SH3PXD2A: variants seen among roughly 807,000 people sequenced by gnomAD.
SH3PXD2A encodes the protein SH3 and PX domain-containing protein 2A.
In SH3PXD2A, 32 loss-of-function variants were observed where a neutral mutation model predicts 115.2. The observed-to-expected ratio is 0.28, with a 90% CI of 0.21 to 0.37. The LOEUF is 0.37. Among genes scored for constraint, SH3PXD2A ranks in the 10% least tolerant of loss-of-function variants. SH3PXD2A has a pLI of 1.00. For missense variants in SH3PXD2A, 1,328 were observed against 1,498.7 expected, an observed-to-expected ratio of 0.89 and a Z score of 1.88; for synonymous variants, 610 against 629.1, an observed-to-expected ratio of 0.97 and a Z score of 0.45.
At chr10:103,750,491 T>C (rs2038563331) in intron 3 of SH3PXD2A, among the ~76,000 whole-genome samples, 1 of 152,188 alleles carries the variant, frequency 6.6e-6, no homozygotes, top group South Asian at 2.1e-4. Flanking sequence ...TGGTAACGAA[T>C]GAAGTTCCTA....
At chr10:103,718,407 AG>A (rs2038133276) in intron 5 of SH3PXD2A, among the ~76,000 whole-genome samples, 1 of 152,198 alleles carries the variant, frequency 6.6e-6, no homozygotes, top group African/African-American at 2.4e-5. Context: ...CAATTCACAC[AG>A]GAGAGACCAA....
chr10:103,638,172 C>T (rs1422543856), intron 8 of SH3PXD2A, among the ~76,000 whole-genome samples: 1 of 152,230 alleles, frequency 6.6e-6, no homozygotes, highest in Non-Finnish European at 1.5e-5. Flanking sequence ...CACCCTGCTC[C>T]GTTGCCCAGG....
At chr10:103,848,410 C>A (rs1842867888) in intron 1 of SH3PXD2A, among the ~76,000 whole-genome samples, 2 of 152,284 alleles carry the variant, frequency 1.3e-5, no homozygotes, top group South Asian at 4.1e-4. Context: ...GTCGCAAAAA[C>A]AGCGCTGGAG....
intron 2 of SH3PXD2A, among the ~76,000 whole-genome samples, chr10:103,797,869 T>A (rs987134656): frequency 1.3e-5 from 2 of 151,564 alleles, no homozygotes; most frequent in African/African-American, 4.9e-5. Context: ...GGCTGCAGAG[T>A]GTGAAGGGCA....
chr10:103,642,279 A>G (rs895156691), intron 8 of SH3PXD2A, among the ~76,000 whole-genome samples: 10 of 152,276 alleles, frequency 6.6e-5, no homozygotes, highest in Middle Eastern at 6.8e-3. Context: ...TATGTAGTAC[A>G]TTTGAACCGT....
intron 5 of SH3PXD2A, among the ~76,000 whole-genome samples, chr10:103,698,708 G>A (rs2037855842): frequency 6.6e-6 from 1 of 152,166 alleles, no homozygotes; most frequent in African/African-American, 2.4e-5. Flanking sequence ...GCCTGTGCAG[G>A]CAGGCAGAAG....
At chr10:103,751,015 G>A (rs2038572236) in intron 3 of SH3PXD2A, among the ~76,000 whole-genome samples, 1 of 152,182 alleles carries the variant, frequency 6.6e-6, no homozygotes, top group South Asian at 2.1e-4. Flanking sequence ...TTCTACCACT[G>A]AGCTGTCTCA....
intron 3 of SH3PXD2A, among the ~76,000 whole-genome samples, chr10:103,753,495 C>CAAAAA (rs58148179): frequency 6.3e-4 from 41 of 65,198 alleles, no homozygotes; most frequent in South Asian, 1.3e-3. Flanking sequence ...GACCCCATCT[C>CAAAAA]AAAAAAAAAA....
rs1379452880 is a variant in SH3PXD2A, at chr10:103,756,354, A to T, written c.229+10740T>A. 3.3e-5 allele frequency among the ~76,000 whole-genome samples: 5 copies of T among 152,140 alleles called. No homozygotes were observed. The highest frequency in any genetic ancestry group is 3.2e-3 in the Middle Eastern group (1 of 316). ...CAGTGTGCGGGATTAGGCCAGGGAC[A>T]CTGTGGGAGTTTATCTCTTCCAGTG... On this transcript the variant is annotated intron_variant, in intron 3 of 14. Transcript: ENST00000369774. This position sits in a 1 kb window ranked among gnomAD's most constrained non-coding sequence, Gnocchi z 4.4.
intron 8 of SH3PXD2A, among the ~76,000 whole-genome samples, chr10:103,643,927 G>T (rs1413786377): frequency 1.3e-5 from 2 of 151,446 alleles, no homozygotes; most frequent in African/African-American, 4.8e-5. Context: ...CTGGCTAACA[G>T]GGTGAAACCC....
At chr10:103,845,203 C>T (rs1180098071) in intron 1 of SH3PXD2A, among the ~76,000 whole-genome samples, 5 of 151,320 alleles carry the variant, frequency 3.3e-5, no homozygotes, top group South Asian at 2.1e-4. Flanking sequence ...TGGTGGTGTG[C>T]GCCTGTAATA....
At chr10:103,754,897 G>C (rs150079170) in intron 3 of SH3PXD2A, 2 of 152,308 alleles carry the variant, frequency 1.3e-5, no homozygotes, top group African/African-American at 4.8e-5. Context: ...ACGTAACCAA[G>C]CACCAAGAGA....
intron 5 of SH3PXD2A, among the ~76,000 whole-genome samples, chr10:103,702,596 C>CGTGTGTGTGTGTGT (rs6144056): frequency 0.15 from 22,317 of 147,340 alleles, 1,811 homozygotes; most frequent in Middle Eastern, 0.26. Flanking sequence ...TGTGTGTGTG[C>CGTGTGTGTGTGTGT]GTGTGTGTGT....
intron 1 of SH3PXD2A, among the ~76,000 whole-genome samples, chr10:103,831,807 A>T (rs1295508174): frequency 6.6e-6 from 1 of 152,174 alleles, no homozygotes; most frequent in Non-Finnish European, 1.5e-5. Context: ...GTTAGTAGTT[A>T]TTCTCCATTC....
chr10:103,766,592 C>T (rs2038756904), intron 3 of SH3PXD2A, among the ~76,000 whole-genome samples: 1 of 152,164 alleles, frequency 6.6e-6, no homozygotes, highest in Admixed American at 6.5e-5. Context: ...TTATGATACA[C>T]CTGAGAAGTT....
At chr10:103,797,817 G>A (rs1009478049) in intron 2 of SH3PXD2A, among the ~76,000 whole-genome samples, 15 of 152,080 alleles carry the variant, frequency 9.9e-5, no homozygotes, top group African/African-American at 3.6e-4. Flanking sequence ...TGGGGTTTCT[G>A]TTCAGATGAC....
chr10:103,724,306 A>C lies in SH3PXD2A; in HGVS notation c.362T>G (p.Phe121Cys). ...GTTGACATCCTCGGGTCGAGCCTCG[A>C]AGAACCGGAAGACTTCGTCACACTG... ...ISQCDEVFRF[F>C]EARPEDVNPP... The change falls in exon 5 of 15, where the codon TTC becomes TGC. Residue 121 changes from phenylalanine (F) to cysteine (C), a missense_variant. Physicochemically the swap from Phe to Cys is radical, Grantham distance 205 (BLOSUM62 -2). Around this residue, in one of 5 missense-constraint regions of SH3PXD2A, gnomAD observed 110 missense variants for 160.0 expected, o/e 0.69. Coordinates refer to ENST00000369774, the MANE Select transcript of SH3PXD2A (RefSeq NM_001394015.1). 6.3e-7 allele frequency: 1 copy of C among 1,582,964 alleles called. No homozygotes were observed. The highest frequency in any genetic ancestry group is 8.6e-7 in the Non-Finnish European group (1 of 1,167,196).
chr10:103,804,964 G>A (rs930406579), intron 1 of SH3PXD2A, among the ~76,000 whole-genome samples: 1 of 152,112 alleles, frequency 6.6e-6, no homozygotes, highest in East Asian at 1.9e-4. Flanking sequence ...GCCCACACCA[G>A]GTGCTGTTTC....
At chr10:103,720,795 G>A (rs551242313) in intron 5 of SH3PXD2A, among the ~76,000 whole-genome samples, 2 of 152,306 alleles carry the variant, frequency 1.3e-5, no homozygotes, top group East Asian at 1.9e-4. Context: ...CCTGTCAGCC[G>A]AGGGTCATGG....
Sources: gnomAD v4.1 joint callset for allele counts (sites outside exome capture counted in the v4.1 genomes callset) on GRCh38, gnomAD v4.1.1 for gene constraint, gnomAD v4.1.1 regional missense constraint, Gnocchi (gnomAD v3.1) non-coding constraint, MANE v1.5 for transcripts, NCBI Gene and HGNC (gene_info 2026-07-23, HGNC 2026-07-21) for gene names.